The following TNS1 variants were observed in gnomAD, a reference collection of about 807,000 sequenced individuals.
TNS1 encodes tensin 1.
A neutral mutation model predicts 168.6 loss-of-function variants in TNS1; 62 were observed. That is an observed-to-expected ratio of 0.37 (90% confidence interval 0.30 to 0.45). The LOEUF (loss-of-function observed/expected upper bound fraction) is 0.45, where lower values mean the gene tolerates loss of function less well. Among genes scored for constraint, TNS1 ranks in the 20% least tolerant of loss-of-function variants. The pLI is 1.00. For missense variants in TNS1, 2,240 were observed against 2,339.4 expected (o/e 0.96, Z 0.88); for synonymous variants, 934 against 933.2 (o/e 1.00, Z -0.02).
chr2:217,946,969 T>TCTCTCACA (rs1553618866), intron 3 of TNS1, among the ~76,000 whole-genome samples: 2 of 118,812 alleles, frequency 1.7e-5, no homozygotes, highest in Non-Finnish European at 1.6e-5. Context: ...TCTCTCTCTC[T>TCTCTCACA]CACACACACA....
Position 217,891,423 on chromosome 2 carries a change from A to G in TNS1, c.783-378T>C, listed in dbSNP as rs568550469. The stretch of plus-strand genomic sequence containing the variant: ...TTCCTCAAAGGTGACTATGGAGATG[A>G]AGTGAGGGAATATCCATAAAGAGCT... On this transcript the variant is annotated intron_variant, in intron 11 of 32. Transcript: ENST00000682258. Among the ~76,000 whole-genome samples the G allele has an allele frequency of 2.6e-4, 39 of 152,332 alleles. No individual in the cohort carries two copies. In the East Asian group the frequency reaches 6.9e-3, roughly 27 times the overall value.
intron 2 of TNS1, among the ~76,000 whole-genome samples, chr2:217,984,003 G>A (rs1189012850): frequency 1.3e-5 from 2 of 152,144 alleles, no homozygotes; most frequent in Non-Finnish European, 2.9e-5. Context: ...TAATTTAGGT[G>A]GGCCTCATCC....
chr2:217,849,024 T>A lies in TNS1; in HGVS notation c.1493A>T (p.Asp498Val), dbSNP rs1271698649. The change falls in exon 19 of 33, where the codon GAC becomes GTC. Residue 498 changes from aspartate to valine, a missense_variant. This residue lies in a region of TNS1 where 2,131 missense variants were observed against 2,171.2 expected (regional missense o/e 0.98). Transcript: ENST00000682258. Reference sequence around the variant, plus strand: ...AGCCCCGGTGCTGCCGTGCAGGGAGTCTTTCTTCTTCACCTTAGCATACAG... The same window carrying A: ...AGCCCCGGTGCTGCCGTGCAGGGAGACTTTCTTCTTCACCTTAGCATACAG... ...GSLYAKVKKK[D>V]SLHGSTGAVN... 6.2e-7 allele frequency: 1 copy of A among 1,612,284 alleles called. No individual in the cohort carries two copies.
Position 217,849,218 on chromosome 2 carries a change from C to T in TNS1, c.1430-131G>A. 3.5e-6 allele frequency: 4 copies of T among 1,128,080 alleles called. No homozygotes were observed. In the South Asian group the frequency reaches 4.7e-5, roughly 13 times the overall value. The allele number at this position is 1,128,080 out of a possible 1,614,324, so 69.9% of individuals were successfully genotyped here. On this transcript the variant is annotated intron_variant, in intron 18 of 32. Coordinates refer to ENST00000682258, the MANE Select transcript of TNS1 (RefSeq NM_001387777.1). ...TGCATCCTAAAACCTCCTCTCACCA[C>T]CCTGAGGTGGGGAAAAGGGGAGCTG...
At chr2:217,815,257 C>T (rs1340340138) in intron 24 of TNS1, 2 of 449,592 alleles carry the variant, frequency 4.4e-6, no homozygotes, top group East Asian at 3.5e-5. Flanking sequence ...CAGGCAGAGA[C>T]TGGGGTGATG....
intron 28 of TNS1, among the ~76,000 whole-genome samples, chr2:217,812,088 G>C (rs758780436): frequency 6.6e-6 from 1 of 152,196 alleles, no homozygotes; most frequent in Non-Finnish European, 1.5e-5. Flanking sequence ...TCCCTGGGAC[G>C]ACGTGGTCTG....
At chr2:217,994,662 T>C (rs1958436963) in intron 1 of TNS1, among the ~76,000 whole-genome samples, 1 of 152,208 alleles carries the variant, frequency 6.6e-6, no homozygotes, top group East Asian at 1.9e-4. Context: ...TGTGCAGCCT[T>C]CCAGAACAGC....
At chr2:217,962,045 T>C (rs1206825187) in intron 3 of TNS1, among the ~76,000 whole-genome samples, 1 of 152,228 alleles carries the variant, frequency 6.6e-6, no homozygotes, top group Non-Finnish European at 1.5e-5. Context: ...CACTTCACAC[T>C]TGCCAGGCCC....
chr2:217,906,193 GC>G, intron 6 of TNS1, 141 bp downstream of exon 6: 1 of 616,596 alleles, frequency 1.6e-6, no homozygotes, highest in Non-Finnish European at 2.9e-6. Context: ...AAGGAAATGG[GC>G]CTGCCCACAA....
chr2:217,804,616 G>C lies in TNS1; in HGVS notation c.5376-13C>G. ...GAAGCCGAAGAGCCTGCAGGCGGGA[G>C]AGGGCAACGGGCATGAGGGAAGGGC... is the stretch of plus-strand genomic sequence containing the variant. On this transcript the variant is annotated splice_polypyrimidine_tract_variant and intron_variant, in intron 32 of 32. Coordinates refer to ENST00000682258, the MANE Select transcript of TNS1 (RefSeq NM_001387777.1). 6.2e-7 allele frequency: 1 copy of C among 1,613,908 alleles called. No individual in the cohort carries two copies. Among genetic ancestry groups the C allele is most frequent in the South Asian group, 1.1e-5 (1 of 91,064 alleles).
chr2:217,966,318 C>CGTGCGT (rs1266414645), intron 3 of TNS1, among the ~76,000 whole-genome samples: 2 of 150,316 alleles, frequency 1.3e-5, no homozygotes, highest in African/African-American at 4.9e-5. Context: ...TGCGCGCGCG[C>CGTGCGT]GCGTGTGTAA....
At chr2:217,990,562 C>T (rs1958339349) in intron 2 of TNS1, among the ~76,000 whole-genome samples, 1 of 152,052 alleles carries the variant, frequency 6.6e-6, no homozygotes, top group Non-Finnish European at 1.5e-5. Flanking sequence ...ATCCACACAC[C>T]AGCCACATGC....
chr2:217,815,156 G>C, intron 24 of TNS1, 158 bp from the exon 25 acceptor site: 1 of 637,666 alleles, frequency 1.6e-6, no homozygotes, highest in Non-Finnish European at 2.8e-6. Flanking sequence ...ACAGGATTAG[G>C]GTGAGCCTTA....
At chr2:217,963,911 C>T (rs1249723865) in intron 3 of TNS1, among the ~76,000 whole-genome samples, 6 of 136,024 alleles carry the variant, frequency 4.4e-5, no homozygotes, top group South Asian at 4.4e-4. Flanking sequence ...AAAAATTAGT[C>T]GGGTGTGGTA....
chr2:217,891,700 G>A (rs1038403404), intron 11 of TNS1, among the ~76,000 whole-genome samples: 2 of 152,202 alleles, frequency 1.3e-5, no homozygotes, highest in Non-Finnish European at 2.9e-5. Flanking sequence ...TCCTCAGTGA[G>A]GCCGCGAGGC....
In TNS1 at chr2:217,892,996, A is replaced by G. The variant is rs1951892817; in HGVS notation, c.734T>C (p.Ile245Thr). Residue 245 changes from isoleucine (I) to threonine (T), a missense_variant, in exon 11 of 33, where the codon ATA becomes ACA. By Grantham distance (89) the Ile-to-Thr change is moderately conservative (BLOSUM62 -1). Around this residue, in one of 2 missense-constraint regions of TNS1, gnomAD observed 2,131 missense variants for 2,171.2 expected, o/e 0.98. Transcript: ENST00000682258. Reference sequence around the variant, plus strand: ...CATGTAAGCCGCGATGACAACTCCTATCCTGCCTCGGTTTCCCTGAAAGAG... The same window carrying G: ...CATGTAAGCCGCGATGACAACTCCTGTCCTGCCTCGGTTTCCCTGAAAGAG... ...VLHNKGNRGR[I>T]GVVIAAYMHY... 2 of 1,614,020 alleles carry G rather than the reference A, an allele frequency of 1.2e-6. No individual in the cohort carries two copies. Among genetic ancestry groups the G allele is most frequent in the South Asian group, 1.1e-5 (1 of 91,086 alleles).
At chr2:218,021,611 C>T (rs1958807073) in intron 1 of TNS1, among the ~76,000 whole-genome samples, 2 of 152,184 alleles carry the variant, frequency 1.3e-5, no homozygotes, top group African/African-American at 2.4e-5. Flanking sequence ...GATCCCGGCA[C>T]CCCACGTTCC....
At chr2:217,864,730 A>C (rs1949102956) in intron 18 of TNS1, among the ~76,000 whole-genome samples, 1 of 152,232 alleles carries the variant, frequency 6.6e-6, no homozygotes, top group Admixed American at 6.5e-5. Flanking sequence ...AACAAGTAGA[A>C]CACTGCCTCA....
chr2:217,936,222 G>C (rs180839456), intron 3 of TNS1, among the ~76,000 whole-genome samples: 1 of 152,274 alleles, frequency 6.6e-6, no homozygotes, highest in African/African-American at 2.4e-5. Flanking sequence ...TCAACAAACA[G>C]TAAGGGGCTA....
Sources: allele counts gnomAD v4.1 joint callset (sites outside exome capture counted in the v4.1 genomes callset), GRCh38; gene constraint gnomAD v4.1.1; regional missense constraint gnomAD v4.1.1; transcripts MANE v1.5; gene names NCBI Gene and HGNC (gene_info 2026-07-23, HGNC 2026-07-21).